Variants in USF3 observed in about 807,000 individuals in gnomAD.
The protein encoded by USF3 is basic helix-loop-helix domain-containing protein USF3.
In USF3, 29 loss-of-function variants were observed where a neutral mutation model predicts 157.5. The ratio of observed to expected loss-of-function variants is 0.18; its 90% CI spans 0.14 to 0.25. The LOEUF is 0.25. Ranked by LOEUF, USF3 falls within the 10% of genes least tolerant of loss-of-function variation. The pLI is 1.00. For missense variants in USF3, 2,381 were observed against 2,667.6 expected (o/e 0.89, Z 2.37); for synonymous variants, 893 against 941.4 (o/e 0.95, Z 0.94).
Position 113,666,885 on chromosome 3 carries a change from G to A in USF3, c.160-2476C>T, listed in dbSNP as rs115051224. 4.2e-3 allele frequency among the ~76,000 whole-genome samples: 637 copies of A among 152,108 alleles called. 4 individuals are homozygous for A. The highest frequency in any genetic ancestry group is 0.015 in the African/African-American group (616 of 41,484). ...TTACAGGTGTGAGCCACTGTGCCCG[G>A]ACTACTTATTGTTGCTAATGACTGT... is the stretch of plus-strand genomic sequence containing the variant. On this transcript the variant is annotated intron_variant, in intron 5 of 6. Transcript: ENST00000316407.
At chr3:113,678,078 TTTTG>T (rs1707323970) in intron 1 of USF3, among the ~76,000 whole-genome samples, 1 of 151,416 alleles carries the variant, frequency 6.6e-6, no homozygotes, top group South Asian at 2.1e-4. Flanking sequence ...TCTCTTTCTT[TTTTG>T]TTTTTGGTTT....
chr3:113,677,987 C>T (rs1173032783), intron 1 of USF3, among the ~76,000 whole-genome samples: 1 of 148,232 alleles, frequency 6.7e-6, no homozygotes, highest in African/African-American at 2.5e-5. Context: ...GATCTTCTCC[C>T]CTCCCCTCCC....
Position 113,655,456 on chromosome 3 carries a change from G to A in USF3, c.6226C>T (p.Pro2076Ser), listed in dbSNP as rs777902214. 3 of 1,614,116 alleles carry A rather than the reference G, an allele frequency of 1.9e-6. No homozygotes were observed. Among genetic ancestry groups the A allele is most frequent in the Middle Eastern group, 1.6e-4 (1 of 6,062 alleles). Residue 2076 changes from proline to serine, a missense_variant, in exon 7 of 7, where the codon CCA becomes TCA. Coordinates refer to ENST00000316407, the MANE Select transcript of USF3 (RefSeq NM_001009899.4). ...SFIPEGGMNP[P>S]INANASFIPQ... ...ATGAAAGAAGCATTAGCATTTATTG[G>A]TGGATTCATGCCACCCTCAGGAATA...
rs1947231918 is a variant in USF3, at chr3:113,649,918, C to G, written c.*5026G>C. 1.4e-6 allele frequency: 1 copy of G among 692,664 alleles called. No individual in the cohort carries two copies. The highest frequency in any genetic ancestry group is 1.8e-5 in the African/African-American group (1 of 56,558). The allele number at this position is 692,664 out of a possible 1,614,324, so 42.9% of individuals were successfully genotyped here. On this transcript the variant is annotated 3_prime_UTR_variant, in exon 7 of 7. Transcript: ENST00000316407. ...CAAAAAAGGCCCTTTTCTTTCAAAC[C>G]CTGGGGAAAGAAAAATGGTAATGTT...
At chr3:113,681,029 T>C (rs540906442) in intron 1 of USF3, among the ~76,000 whole-genome samples, 1 of 152,258 alleles carries the variant, frequency 6.6e-6, no homozygotes, top group South Asian at 2.1e-4. Flanking sequence ...CAGGCTAGAG[T>C]GCAGTGGTGT....
chr3:113,686,516 C>T (rs1707549459), intron 1 of USF3, among the ~76,000 whole-genome samples: 1 of 152,204 alleles, frequency 6.6e-6, no homozygotes, highest in Admixed American at 6.5e-5. Flanking sequence ...TCTCAAACTC[C>T]TGGCCTCAAG....
chr3:113,674,477 G>C (rs901239707), intron 3 of USF3, among the ~76,000 whole-genome samples: 5 of 152,006 alleles, frequency 3.3e-5, no homozygotes, highest in Non-Finnish European at 5.9e-5. Context: ...CGAGTAGCTG[G>C]AACTACAGGT....
rs1577034031 is a variant in USF3 at position 113,661,555 on chromosome 3, C to G, written c.257-130G>C. 67 of 496,036 alleles carry G rather than the reference C, an allele frequency of 1.4e-4. 1 individual carries two copies. The East Asian group carries it at 2.2e-3, about 16-fold the overall frequency. The allele number at this position is 496,036 out of a possible 1,614,324, so 30.7% of individuals were successfully genotyped here. ...TCTAAGTACTTCAACCGAGACTCTT[C>G]AGCTCTTTTCTAATACAACTTCTTT... On this transcript the variant is annotated intron_variant, in intron 6 of 6. Transcript: ENST00000316407.
chr3:113,683,243 CTCTAGTTTTTAATCTATAAAAACTATTA>C (rs1553701659), intron 1 of USF3, among the ~76,000 whole-genome samples: 50 of 46,676 alleles, frequency 1.1e-3, no homozygotes, highest in African/African-American at 2.7e-3. Flanking sequence ...CTGATAAAAA[CTCTAGTTTTTAATCTATAAAAACTATTA>C]TCTAGTTTTT....
intron 3 of USF3, among the ~76,000 whole-genome samples, chr3:113,673,900 T>C (rs1707217928): frequency 6.6e-6 from 1 of 152,216 alleles, no homozygotes; most frequent in Non-Finnish European, 1.5e-5. Flanking sequence ...TACCTCAGGT[T>C]GTCCAAACTC....
rs144308188 is a variant in USF3, at chr3:113,688,878, A to T, written c.-135+7492T>A. 4.6e-3 allele frequency among the ~76,000 whole-genome samples: 698 copies of T among 151,922 alleles called. 12 individuals carry two copies. The highest frequency in any genetic ancestry group is 0.031 in the Admixed American group (478 of 15,286). On this transcript the variant is annotated intron_variant, in intron 1 of 6. Transcript: ENST00000316407. ...ACATGGTGAAACCCCGTCTCTACTG[A>T]AAATTAGCTGGGCGTGGTGGCGGGA...
chr3:113,674,580 T>A (rs945800669), intron 3 of USF3, among the ~76,000 whole-genome samples: 1 of 152,182 alleles, frequency 6.6e-6, no homozygotes, highest in African/African-American at 2.4e-5. Flanking sequence ...TGACCTCAGG[T>A]GATCCACCAG....
At position 113,659,757 on chromosome 3, in the gene USF3, G is replaced by A; in HGVS notation, c.1925C>T (p.Ser642Phe). The A allele has an allele frequency of 1.9e-6, 3 of 1,614,250 alleles. No individual in the cohort carries two copies. Among genetic ancestry groups the A allele is most frequent in the Non-Finnish European group, 2.5e-6 (3 of 1,180,028 alleles). Residue 642 changes from serine (S) to phenylalanine (F), a missense_variant, in exon 7 of 7, where the codon TCT (serine) becomes TTT (phenylalanine). Transcript: ENST00000316407. ...TTGTGTTGAGTTAGACGCTGATAAA[G>A]ATGAAGGTCTTGGTAATATGTGGAC... ...HLVHILPRPS[S>F]LSASNSTQTF... is the part of the protein sequence containing the mutation.
At chr3:113,684,759 T>G (rs1258696956) in intron 1 of USF3, among the ~76,000 whole-genome samples, 1 of 152,196 alleles carries the variant, frequency 6.6e-6, no homozygotes, top group East Asian at 1.9e-4. Flanking sequence ...CTCTGTGTTA[T>G]CTTGGATTTT....
In USF3 at chr3:113,657,906, C is replaced by A. The variant is rs1947397357; in HGVS notation, c.3776G>T (p.Gly1259Val). 3 of 1,614,034 alleles carry A rather than the reference C, an allele frequency of 1.9e-6. No individual in the cohort carries two copies. The highest frequency in any genetic ancestry group is 2.5e-6 in the Non-Finnish European group (3 of 1,180,038). The change falls in exon 7 of 7, where the codon GGT becomes GTT. Residue 1259 changes from glycine (G) to valine (V), a missense_variant. Physicochemically the swap from Gly to Val is moderately radical, Grantham distance 109 (BLOSUM62 -3). Coordinates refer to ENST00000316407, the MANE Select transcript of USF3 (RefSeq NM_001009899.4). ...TGTTTGCTCTGAAGTTGGGGATAAACCCGCACAGCTGGCCAGAGGATGGCT... is the reference window on the plus strand; with the variant it reads ...TGTTTGCTCTGAAGTTGGGGATAAAACCGCACAGCTGGCCAGAGGATGGCT... ...SISHPLASCAGLSPTSEQTTV... is the reference protein window; with the variant it reads ...SISHPLASCAVLSPTSEQTTV...
chr3:113,663,320 A>G (rs1947515736), intron 6 of USF3, among the ~76,000 whole-genome samples: 1 of 152,192 alleles, frequency 6.6e-6, no homozygotes, highest in Admixed American at 6.5e-5. Context: ...AAGAGCTTTC[A>G]TTAGAAAAGT....
chr3:113,660,738 T>C lies in USF3; in HGVS notation c.944A>G (p.His315Arg), dbSNP rs199963032. 6.8e-5 allele frequency: 109 copies of C among 1,614,206 alleles called. No homozygotes were observed. Among genetic ancestry groups the C allele is most frequent in the Non-Finnish European group, 8.3e-5 (98 of 1,180,014 alleles). Residue 315 changes from histidine (H) to arginine (R), a missense_variant, in exon 7 of 7, where the codon CAC (histidine) becomes CGC (arginine). Physicochemically the swap from His to Arg is conservative, Grantham distance 29. This residue lies in a region of USF3 where 1,435 missense variants were observed against 1,550.9 expected (regional missense o/e 0.93). Coordinates refer to ENST00000316407, the MANE Select transcript of USF3 (RefSeq NM_001009899.4). The stretch of plus-strand genomic sequence containing the variant: ...GCTCAGGCAGGACTTGTTTCCATGG[T>C]GCACTTTAGTGGCAGTTGCTGAGGA... ...HSSSATATKV[H>R]HGNKSCLSIQ...
chr3:113,669,466 T>C (rs907259282), intron 5 of USF3, among the ~76,000 whole-genome samples: 2 of 152,190 alleles, frequency 1.3e-5, no homozygotes, highest in African/African-American at 4.8e-5. Flanking sequence ...CATATATTCA[T>C]TTAATTACAA....
chr3:113,679,998 C>T (rs1025046697), intron 1 of USF3, among the ~76,000 whole-genome samples: 8 of 145,036 alleles, frequency 5.5e-5, no homozygotes, highest in Non-Finnish European at 1.0e-4. Context: ...GGCTGGAGTG[C>T]AGTAGAGGAT....
Sources: allele counts gnomAD v4.1 joint callset (sites outside exome capture counted in the v4.1 genomes callset), GRCh38; gene constraint gnomAD v4.1.1; regional missense constraint gnomAD v4.1.1; transcripts MANE v1.5; gene names NCBI Gene and HGNC (gene_info 2026-07-23, HGNC 2026-07-21).